The following PHIP variants were observed in gnomAD, a reference collection of about 807,000 sequenced individuals.
PHIP encodes the protein PH-interacting protein.
A neutral mutation model predicts 236.8 loss-of-function variants in PHIP; 54 were observed. The observed-to-expected ratio is 0.23, with a 90% CI of 0.18 to 0.29. The LOEUF is 0.29. PHIP is among the 10% of genes least tolerant of loss of function. The probability of loss-of-function intolerance (pLI) is 1.00; values close to 1 mark genes in which losing one functional copy is unlikely to be tolerated. For synonymous variants in PHIP, 756 were observed against 718.9 expected (o/e 1.05, Z -0.83); for missense variants, 1,370 against 2,190.8 (o/e 0.63, Z 7.48).
intron 7 of PHIP, among the ~76,000 whole-genome samples, chr6:79,042,514 T>C (rs1227413241): frequency 2.0e-5 from 3 of 152,088 alleles, no homozygotes; most frequent in Non-Finnish European, 4.4e-5. Context: ...TCAACATACT[T>C]AGATGTCCTT....
chr6:79,011,108 C>T (rs1167165014), intron 15 of PHIP, among the ~76,000 whole-genome samples: 4 of 151,780 alleles, frequency 2.6e-5, no homozygotes, highest in African/African-American at 9.7e-5. Flanking sequence ...CTCATCAAAA[C>T]AAAGCTATTC....
chr6:79,060,431 C>G, intron 6 of PHIP, 47 bp downstream of exon 6: 1 of 1,298,002 alleles, frequency 7.7e-7, no homozygotes, highest in Non-Finnish European at 1.1e-6. Context: ...TTTTCAAAAG[C>G]TCTTTACCAA....
Position 79,015,861 on chromosome 6 carries a change from G to A in PHIP, c.1236-78C>T, listed in dbSNP as rs554957375. 426 of 884,122 alleles carry A rather than the reference G, an allele frequency of 4.8e-4. 9 individuals are homozygous for A. The South Asian group carries it at 6.0e-3, about 13-fold the overall frequency. 54.8% of individuals were successfully genotyped at this position (884,122 alleles called of 1,614,324 possible). A position where few individuals can be genotyped will look rare whatever the true frequency, so the allele number is the denominator to read the frequency against. ...AACCAAAACATATAATCTATAATTA[G>A]TATTTATATTCACTAACATAATAAC... On this transcript the variant is annotated intron_variant, in intron 13 of 39. Transcript: ENST00000275034.
Position 79,001,930 on chromosome 6 carries a change from T to G in PHIP, c.1848A>C (p.Gln616His), listed in dbSNP as rs200020269. 7.6e-5 allele frequency: 122 copies of G among 1,611,190 alleles called. 1 individual carries two copies. In the Middle Eastern group the frequency reaches 3.3e-3, roughly 44 times the overall value. Reference protein sequence around the residue: ...VPGRENCREEQLIPQMGVTSS... With the variant: ...VPGRENCREEHLIPQMGVTSS... The stretch of plus-strand genomic sequence containing the variant: ...AAGTTACTCCCATCTGAGGGATGAG[T>G]TGCTCCTCCCTGCAATTTTCACGGC... The change falls in exon 17 of 40, where the codon CAA becomes CAC. Residue 616 changes from glutamine (Q) to histidine (H), a missense_variant. This residue lies in a region of PHIP where 133 missense variants were observed against 245.2 expected (regional missense o/e 0.54). Coordinates refer to ENST00000275034, the MANE Select transcript of PHIP (RefSeq NM_017934.7).
At chr6:78,998,714 T>C (rs1473958489) in intron 17 of PHIP, among the ~76,000 whole-genome samples, 4 of 152,148 alleles carry the variant, frequency 2.6e-5, no homozygotes, top group Non-Finnish European at 5.9e-5. Context: ...AAAATAACTG[T>C]TCGAAGTCAC....
intron 27 of PHIP, 64 bp downstream of exon 27, chr6:78,969,771 T>C (rs1373379866): frequency 4.2e-6 from 3 of 721,998 alleles, no homozygotes. Context: ...TGAAAAATAG[T>C]AAATCACTTA....
At chr6:78,987,170 A>G (rs1034523217) in intron 21 of PHIP, among the ~76,000 whole-genome samples, 4 of 152,122 alleles carry the variant, frequency 2.6e-5, no homozygotes, top group Non-Finnish European at 5.9e-5. Flanking sequence ...GTGTTTCTGG[A>G]AATACAGTTC....
rs1266732841 is a variant in PHIP, at chr6:78,939,169, CAAAT to C, written c.*1520_*1523del. 4 of 151,764 alleles carry C rather than the reference CAAAT, an allele frequency of 2.6e-5. No homozygotes were observed. The highest frequency in any genetic ancestry group is 6.6e-5 in the Admixed American group (1 of 15,244). The allele number at this position is 151,764 out of a possible 1,614,324, so 9.4% of individuals were successfully genotyped here. A position where few individuals can be genotyped will look rare whatever the true frequency, so the allele number is the denominator to read the frequency against. Reference sequence around the variant, plus strand: ...ATAAAATAACTAACTGTACCATAAACAAATAAATAACTGCTTTCCTTTTCCATAG... The same window carrying C: ...ATAAAATAACTAACTGTACCATAAACAAATAACTGCTTTCCTTTTCCATAG... On this transcript the variant is annotated 3_prime_UTR_variant, in exon 40 of 40. Transcript: ENST00000275034.
chr6:79,017,432 T>C (rs751121271), intron 11 of PHIP, 46 bp from the exon 12 acceptor site: 61 of 1,583,790 alleles, frequency 3.9e-5, no homozygotes, highest in Non-Finnish European at 3.4e-5. Context: ...GAATATAAAC[T>C]CTTGGACTCA....
chr6:79,026,113 A>G lies in PHIP; in HGVS notation c.652T>C (p.Leu218=). Residue 218 remains leucine (L), a synonymous_variant, in exon 8 of 40, where the codon TTA becomes CTA. Transcript: ENST00000275034. The part of the protein sequence containing the change: ...KIWATDDGRL[L]ATLRGHAAEI... ...GCAGCATGTCCTCTTAAGGTAGCTA[A>G]CAACCTCCCATCATCTGTTGCCCAT... The G allele has an allele frequency of 6.2e-7, 1 of 1,614,114 alleles. No individual in the cohort carries two copies. The highest frequency in any genetic ancestry group is 1.1e-5 in the South Asian group (1 of 91,080).
Position 79,030,050 on chromosome 6 carries a change from G to A in PHIP, c.601-3886C>T, listed in dbSNP as rs142320618. Among the ~76,000 whole-genome samples, 97 of 152,184 alleles carry A rather than the reference G, an allele frequency of 6.4e-4. 1 individual carries two copies. The South Asian group carries it at 7.9e-3, about 12-fold the overall frequency. On this transcript the variant is annotated intron_variant, in intron 7 of 39. Coordinates refer to ENST00000275034, the MANE Select transcript of PHIP (RefSeq NM_017934.7). Reference sequence around the variant, plus strand: ...TTATGGATATTAAAAATAATGTTACGTAAATGGTGAAAAGGGGCAATGACA... The same window carrying A: ...TTATGGATATTAAAAATAATGTTACATAAATGGTGAAAAGGGGCAATGACA...
At chr6:79,018,438 A>G (rs937467994) in intron 10 of PHIP, among the ~76,000 whole-genome samples, 2 of 152,012 alleles carry the variant, frequency 1.3e-5, no homozygotes, top group African/African-American at 4.8e-5. Flanking sequence ...GAGCGGAAAA[A>G]GTAAAACTGA....
intron 24 of PHIP, among the ~76,000 whole-genome samples, chr6:78,972,023 A>AC (rs1767612561): frequency 6.6e-6 from 1 of 152,214 alleles, no homozygotes; most frequent in Admixed American, 6.5e-5. Flanking sequence ...GGTGGAGCCC[A>AC]CCACAGCTCA....
chr6:78,942,377 G>A (rs1301675571), intron 39 of PHIP, among the ~76,000 whole-genome samples: 3 of 152,180 alleles, frequency 2.0e-5, no homozygotes, highest in Admixed American at 1.3e-4. Context: ...CAGCTACTCA[G>A]GGGGCTGAGG....
At chr6:78,974,108 T>C (rs1284614030) in intron 24 of PHIP, among the ~76,000 whole-genome samples, 8 of 151,942 alleles carry the variant, frequency 5.3e-5, no homozygotes, top group Admixed American at 2.0e-4. Context: ...TATTCCAAAA[T>C]TGACCACATA....
intron 33 of PHIP, 100 bp from the exon 34 acceptor site, chr6:78,955,382 C>T (rs1400232419): frequency 1.2e-6 from 1 of 858,548 alleles, no homozygotes; most frequent in Non-Finnish European, 1.8e-6. Flanking sequence ...ACTGGAACAC[C>T]TGTAATGTAT....
chr6:78,961,355 A>C (rs1254804240), intron 31 of PHIP, among the ~76,000 whole-genome samples: 1 of 152,024 alleles, frequency 6.6e-6, no homozygotes, highest in East Asian at 1.9e-4. Context: ...ATCTAGGAGA[A>C]AATGAAATAC....
rs910116779 is a variant in PHIP at position 79,048,449 on chromosome 6, TA to T, written c.440-5447del. The stretch of plus-strand genomic sequence containing the variant: ...TTGAAGGCACTAGAAAAATACATGA[TA>T]AAAAAAACCCTGCAAATAAGTACTA... On this transcript the variant is annotated intron_variant, in intron 6 of 39. Coordinates refer to ENST00000275034, the MANE Select transcript of PHIP (RefSeq NM_017934.7). Among the ~76,000 whole-genome samples the T allele has an allele frequency of 7.9e-5, 12 of 151,956 alleles. No homozygotes were observed. The East Asian group carries it at 1.2e-3, about 15-fold the overall frequency.
At chr6:78,984,087 C>A (rs1017456858) in intron 22 of PHIP, among the ~76,000 whole-genome samples, 26 of 152,106 alleles carry the variant, frequency 1.7e-4, no homozygotes, top group Non-Finnish European at 8.8e-5. Flanking sequence ...AACATTAACA[C>A]TGAAAAAGCA....
Sources: gnomAD v4.1 joint callset for allele counts (sites outside exome capture counted in the v4.1 genomes callset) on GRCh38, gnomAD v4.1.1 for gene constraint, gnomAD v4.1.1 regional missense constraint, MANE v1.5 for transcripts, NCBI Gene and HGNC (gene_info 2026-07-23, HGNC 2026-07-21) for gene names.